IFT122: variants seen among roughly 807,000 people sequenced by gnomAD.
IFT122 encodes the protein intraflagellar transport protein 122 homolog.
IFT122 carries 118 observed loss-of-function variants against 161.6 expected under a neutral mutation model. That is an observed-to-expected ratio of 0.73 (90% CI 0.63 to 0.85). IFT122 has a LOEUF of 0.85. Ranked by LOEUF, IFT122 falls within the 40% of genes least tolerant of loss-of-function variation. The probability of loss-of-function intolerance (pLI) is 0.00; values close to 1 mark genes in which losing one functional copy is unlikely to be tolerated. For synonymous variants in IFT122, 550 were observed against 602.4 expected (o/e 0.91, Z 1.27); for missense variants, 1,381 against 1,579.6 (o/e 0.87, Z 2.13).
At chr3:129,463,700 T>A (rs2076418188) in intron 6 of IFT122, 74 bp downstream of exon 6, 1 of 1,265,972 alleles carries the variant, frequency 7.9e-7, no homozygotes, top group African/African-American at 1.5e-5. Context: ...AATTATTTCA[T>A]GCAGCAGAGA....
chr3:129,509,100 T>C (rs2082494985), intron 23 of IFT122, among the ~76,000 whole-genome samples: 1 of 152,236 alleles, frequency 6.6e-6, no homozygotes, highest in African/African-American at 2.4e-5. Context: ...GAGCTGGTCA[T>C]CACGGTTGTC....
chr3:129,479,480 G>A (rs1247726759), intron 12 of IFT122, among the ~76,000 whole-genome samples: 3 of 152,008 alleles, frequency 2.0e-5, no homozygotes, highest in Non-Finnish European at 2.9e-5. Context: ...ACTCCAAGCG[G>A]TTTAGGGTTG....
intron 14 of IFT122, among the ~76,000 whole-genome samples, chr3:129,482,079 G>A (rs2078722466): frequency 6.6e-6 from 1 of 152,268 alleles, no homozygotes; most frequent in East Asian, 1.9e-4. Flanking sequence ...CTCACCTGCT[G>A]CAGGCCTGCC....
rs536676038 is a variant in IFT122, at chr3:129,496,011, G to C, written c.2208+404G>C. ...GCCGGTCCTGCCGATCATGCAGGAC[G>C]ACATGGTGCCTGCCAGCCAAGTTTC... On this transcript the variant is annotated intron_variant, in intron 18 of 29. Transcript: ENST00000348417. Among the ~76,000 whole-genome samples the C allele has an allele frequency of 3.5e-4, 54 of 152,380 alleles. No individual in the cohort carries two copies. In the South Asian group the frequency reaches 9.9e-3, roughly 28 times the overall value.
intron 1 of IFT122, among the ~76,000 whole-genome samples, chr3:129,447,648 G>A (rs939629629): frequency 6.6e-6 from 1 of 152,082 alleles, no homozygotes; most frequent in Non-Finnish European, 1.5e-5. Flanking sequence ...TAGTAGCTGG[G>A]ATTACAGGCG....
rs539568950 is a variant in IFT122 at position 129,469,073 on chromosome 3, C to T, written c.741-269C>T. ...TCTGAAATGAGAGGTTTATCTTCTT[C>T]AGCTGCAGCAGTGTCCCCAGCACCA... On this transcript the variant is annotated intron_variant, in intron 8 of 29. Coordinates refer to ENST00000348417, the MANE Select transcript of IFT122 (RefSeq NM_052989.3). Among the ~76,000 whole-genome samples, 82 of 152,332 alleles carry T rather than the reference C, an allele frequency of 5.4e-4. 1 individual carries two copies. The South Asian group carries it at 0.017, about 31-fold the overall frequency.
chr3:129,461,166 G>T, intron 4 of IFT122, 62 bp from the exon 5 acceptor site: 5 of 1,351,988 alleles, frequency 3.7e-6, no homozygotes, highest in South Asian at 1.2e-5. Flanking sequence ...AAAATCTTCA[G>T]TTGTAGCCAC....
At chr3:129,510,868 C>G (rs937071952) in intron 23 of IFT122, among the ~76,000 whole-genome samples, 9 of 152,214 alleles carry the variant, frequency 5.9e-5, no homozygotes, top group African/African-American at 2.2e-4. Flanking sequence ...AAAACGTTGT[C>G]CCTGCAGTCA....
intron 5 of IFT122, 57 bp downstream of exon 5, chr3:129,461,361 T>G: frequency 8.1e-7 from 1 of 1,231,950 alleles, no homozygotes; most frequent in South Asian, 1.2e-5. Flanking sequence ...GGGCTAAAAA[T>G]GCTAAAATGC....
At chr3:129,516,726 AGAGAGACTGCCCCTG>A (rs1321612070) in intron 26 of IFT122, among the ~76,000 whole-genome samples, 21 of 85,292 alleles carry the variant, frequency 2.5e-4, no homozygotes, top group African/African-American at 1.2e-3. Flanking sequence ...ACACACACAC[AGAGAGACTGCCCCTG>A]CACACACACA....
In IFT122 at chr3:129,504,307, T is replaced by A; in HGVS notation, c.2548-12T>A. On this transcript the variant is annotated splice_polypyrimidine_tract_variant and intron_variant, in intron 20 of 29. Coordinates refer to ENST00000348417, the MANE Select transcript of IFT122 (RefSeq NM_052989.3). ...GCAGCTTTATTAAGACTTCATTTGC[T>A]CCTTCCCCCAGGCCTTTGCTTTGGG... is the stretch of plus-strand genomic sequence containing the variant. 1 of 1,608,508 alleles carries A rather than the reference T, an allele frequency of 6.2e-7. No homozygotes were observed. Among genetic ancestry groups the A allele is most frequent in the Non-Finnish European group, 8.5e-7 (1 of 1,175,130 alleles).
In IFT122 at chr3:129,499,992, G is replaced by T; in HGVS notation, c.2299G>T (p.Ala767Ser). Residue 767 changes from alanine to serine, a missense_variant, in exon 19 of 30, where the codon GCC becomes TCC. Physicochemically the swap from Ala to Ser is moderately conservative, Grantham distance 99. Around this residue, in one of 7 missense-constraint regions of IFT122, gnomAD observed 496 missense variants for 502.5 expected, o/e 0.99. Coordinates refer to ENST00000348417, the MANE Select transcript of IFT122 (RefSeq NM_052989.3). ...WARNIKEPKA[A>S]VEMYISAGEH... The stretch of plus-strand genomic sequence containing the variant: ...CAGAAATATCAAGGAGCCCAAAGCC[G>T]CCGTGGAGATGTACATCTCAGCAGG... 1 of 1,614,200 alleles carries T rather than the reference G, an allele frequency of 6.2e-7. No individual in the cohort carries two copies. Among genetic ancestry groups the T allele is most frequent in the Non-Finnish European group, 8.5e-7 (1 of 1,180,038 alleles).
At chr3:129,463,516 T>A in intron 5 of IFT122, 44 bp from the exon 6 acceptor site, 1 of 1,478,592 alleles carries the variant, frequency 6.8e-7, no homozygotes, top group Non-Finnish European at 9.5e-7. Flanking sequence ...TGCTGGGTAG[T>A]ATTCCAACCA....
chr3:129,505,103 C>T (rs2082058367), intron 21 of IFT122, among the ~76,000 whole-genome samples: 1 of 152,204 alleles, frequency 6.6e-6, no homozygotes, highest in Non-Finnish European at 1.5e-5. Context: ...CTCTCTGTGT[C>T]AGGCCCTGGC....
At chr3:129,477,959 G>A in intron 11 of IFT122, 57 bp from the exon 12 acceptor site, 1 of 1,431,748 alleles carries the variant, frequency 7.0e-7, no homozygotes. Context: ...TAATTTCTCT[G>A]CCTTGCACCT....
At chr3:129,516,694 GCACACACACACA>G (rs771398986) in intron 26 of IFT122, among the ~76,000 whole-genome samples, 12 of 50,184 alleles carry the variant, frequency 2.4e-4, no homozygotes, top group Non-Finnish European at 3.3e-4. Context: ...GATTGCTCCT[GCACACACACACA>G]CACACACACA....
chr3:129,500,100 T>G (rs748418131), intron 19 of IFT122, 32 bp downstream of exon 19: 3 of 1,612,742 alleles, frequency 1.9e-6, no homozygotes, highest in South Asian at 2.2e-5. Context: ...GAGAAGCATT[T>G]GGCAGCATGT....
rs759300038 is a variant in IFT122, at chr3:129,451,918, A to T, written c.113A>T (p.Tyr38Phe). ...TGTATTTGTCTCTTTTGCCAGGTTTATGACACCTCTGATGGCACCTTACTT... is the reference window on the plus strand; with the variant it reads ...TGTATTTGTCTCTTTTGCCAGGTTTTTGACACCTCTGATGGCACCTTACTT... Reference protein sequence around the residue: ...ILAAGSRLLVYDTSDGTLLQP... With the variant: ...ILAAGSRLLVFDTSDGTLLQP... Residue 38 changes from tyrosine to phenylalanine, a missense_variant, in exon 3 of 30, where the codon TAT becomes TTT. Physicochemically the swap from Tyr to Phe is conservative, Grantham distance 22. This residue lies in a region of IFT122 where 134 missense variants were observed against 137.4 expected (regional missense o/e 0.98). Coordinates refer to ENST00000348417, the MANE Select transcript of IFT122 (RefSeq NM_052989.3). 1.2e-6 allele frequency: 2 copies of T among 1,613,304 alleles called. No homozygotes were observed. Among genetic ancestry groups the T allele is most frequent in the East Asian group, 2.2e-5 (1 of 44,878 alleles).
intron 18 of IFT122, among the ~76,000 whole-genome samples, chr3:129,496,961 A>C (rs2080928656): frequency 1.3e-5 from 2 of 152,286 alleles, no homozygotes; most frequent in South Asian, 4.1e-4. Flanking sequence ...AGGCCTCCTC[A>C]AGGAGGCAGC....
Sources: gnomAD v4.1 joint callset for allele counts (sites outside exome capture counted in the v4.1 genomes callset) on GRCh38, gnomAD v4.1.1 for gene constraint, gnomAD v4.1.1 regional missense constraint, MANE v1.5 for transcripts, NCBI Gene and HGNC (gene_info 2026-07-23, HGNC 2026-07-21) for gene names.